DENND1B: variants seen among roughly 807,000 people sequenced by gnomAD.
DENND1B encodes the protein DENN domain containing 1B.
Under a neutral mutation model 90.1 loss-of-function variants are expected in DENND1B, and 59 were observed. The ratio of observed to expected loss-of-function variants is 0.65; its 90% confidence interval spans 0.53 to 0.81. The LOEUF is 0.81. Among genes scored for constraint, DENND1B ranks in the 40% least tolerant of loss-of-function variants. DENND1B has a pLI of 0.00. For synonymous variants in DENND1B, 337 were observed against 324.6 expected (o/e 1.04, Z -0.41); for missense variants, 862 against 912.6 (o/e 0.94, Z 0.71).
intron 5 of DENND1B, among the ~76,000 whole-genome samples, chr1:197,663,681 T>C (rs921877349): frequency 6.6e-6 from 1 of 152,054 alleles, no homozygotes; most frequent in Admixed American, 6.5e-5. Flanking sequence ...TAGGGCTGAG[T>C]TGTGGCTTCT....
rs76204636 is a variant in DENND1B, at chr1:197,652,044, T to C, written c.447+191A>G. 8.2e-3 allele frequency among the ~76,000 whole-genome samples: 1,247 copies of C among 152,280 alleles called. 19 individuals carry two copies. Among genetic ancestry groups the C allele is most frequent in the African/African-American group, 0.029 (1,199 of 41,552 alleles). The stretch of plus-strand genomic sequence containing the variant: ...AATTTTTTAAATTCAACACACCTGA[T>C]ATATGAAGTTATGATAGTTACAGCA... On this transcript the variant is annotated intron_variant, in intron 7 of 22. Transcript: ENST00000620048.
At chr1:197,607,606 ATAATT>A (rs1397148480) in intron 12 of DENND1B, among the ~76,000 whole-genome samples, 14 of 150,786 alleles carry the variant, frequency 9.3e-5, no homozygotes, top group Non-Finnish European at 2.1e-4. Flanking sequence ...GCATTAAACT[ATAATT>A]TAAATTTTTT....
chr1:197,673,159 TA>T (rs567914762), intron 4 of DENND1B, among the ~76,000 whole-genome samples: 18 of 147,412 alleles, frequency 1.2e-4, no homozygotes, highest in Admixed American at 4.1e-4. Flanking sequence ...AAACTTAAAA[TA>T]AAAAAAAAAC....
chr1:197,562,293 T>C (rs1672237348), intron 15 of DENND1B, among the ~76,000 whole-genome samples: 1 of 151,934 alleles, frequency 6.6e-6, no homozygotes, highest in Admixed American at 6.6e-5. Flanking sequence ...TGAACTTCAC[T>C]TTACTGCACT....
chr1:197,615,267 T>C (rs1677544121), intron 11 of DENND1B, among the ~76,000 whole-genome samples: 1 of 151,078 alleles, frequency 6.6e-6, no homozygotes, highest in African/African-American at 2.4e-5. Flanking sequence ...TCACTAAGTG[T>C]TTAATGAACA....
At chr1:197,776,714 C>T (rs1461474183), upstream of DENND1B, among the ~76,000 whole-genome samples, 4 of 152,058 alleles carry the variant, frequency 2.6e-5, no homozygotes, top group Non-Finnish European at 5.9e-5. Flanking sequence ...TAACCTTAAA[C>T]TTTCTTGCCA....
chr1:197,627,676 C>G (rs1368806199), intron 10 of DENND1B, among the ~76,000 whole-genome samples: 1 of 151,874 alleles, frequency 6.6e-6, no homozygotes, highest in Non-Finnish European at 1.5e-5. Context: ...AAGTTCTGGC[C>G]AGGGCAATTA....
intron 20 of DENND1B, among the ~76,000 whole-genome samples, chr1:197,517,204 A>G (rs1265046101): frequency 6.6e-6 from 1 of 151,924 alleles, no homozygotes; most frequent in East Asian, 1.9e-4. Context: ...AAGAGATGCT[A>G]GAAATTCAGA....
intron 15 of DENND1B, among the ~76,000 whole-genome samples, chr1:197,566,744 C>G (rs536260985): frequency 2.6e-5 from 4 of 151,518 alleles, no homozygotes; most frequent in Admixed American, 2.6e-4. Flanking sequence ...CCAAACAAAC[C>G]AACAAATATC....
At chr1:197,564,466 T>C (rs1179638183) in intron 15 of DENND1B, among the ~76,000 whole-genome samples, 2 of 145,592 alleles carry the variant, frequency 1.4e-5, no homozygotes, top group Admixed American at 6.9e-5. Context: ...ATTTTAGTAA[T>C]AAAGTATTTT....
At chr1:197,564,395 C>CAAAAAAAAAAAA (rs71131780) in intron 15 of DENND1B, among the ~76,000 whole-genome samples, 4 of 63,170 alleles carry the variant, frequency 6.3e-5, no homozygotes, top group Non-Finnish European at 1.1e-4. Context: ...CCTCCACCAG[C>CAAAAAAAAAAAA]AAAAAAAAAA....
chr1:197,540,936 G>GC, intron 19 of DENND1B, 23 bp downstream of exon 19: 1 of 1,596,180 alleles, frequency 6.3e-7, no homozygotes, highest in Non-Finnish European at 8.5e-7. Flanking sequence ...AAGGTAAAAT[G>GC]GAAAAAAATG....
At chr1:197,538,395 G>A (rs1043773194) in intron 20 of DENND1B, among the ~76,000 whole-genome samples, 2 of 152,048 alleles carry the variant, frequency 1.3e-5, no homozygotes, top group Non-Finnish European at 2.9e-5. Flanking sequence ...AACAAGAAAA[G>A]GTTTCTGACT....
chr1:197,776,821 AAC>A (rs776082942), upstream of DENND1B, among the ~76,000 whole-genome samples: 1 of 118,598 alleles, frequency 8.4e-6, no homozygotes, highest in Admixed American at 9.3e-5. Context: ...GAAACAAACA[AAC>A]AAAAAAAAAA....
At chr1:197,744,132 C>G (rs78753408) in intron 2 of DENND1B, among the ~76,000 whole-genome samples, 3,668 of 152,226 alleles carry the variant, frequency 0.024, 161 homozygotes, top group African/African-American at 0.079. Context: ...CATTCATGAA[C>G]GTTGGAATCG....
intron 14 of DENND1B, among the ~76,000 whole-genome samples, chr1:197,587,618 G>C (rs889747565): frequency 1.3e-5 from 2 of 152,070 alleles, no homozygotes; most frequent in African/African-American, 4.8e-5. Context: ...CTAAATTCTT[G>C]ATCATCTTTG....
rs144899460 is a variant in DENND1B at position 197,597,028 on chromosome 1, T to C, written c.922-1695A>G. Among the ~76,000 whole-genome samples the C allele has an allele frequency of 6.6e-5, 10 of 151,778 alleles. No individual in the cohort carries two copies. The South Asian group carries it at 1.2e-3, about 19-fold the overall frequency. ...CTTTGCAGTGTAGGTCTTCTCCCCA[T>C]AGCTGTGATCTTTTCAATTTATATC... On this transcript the variant is annotated intron_variant, in intron 13 of 22. Transcript: ENST00000620048.
chr1:197,701,124 G>A (rs936133277), intron 3 of DENND1B, among the ~76,000 whole-genome samples: 7 of 152,046 alleles, frequency 4.6e-5, no homozygotes, highest in East Asian at 1.9e-4. Flanking sequence ...AAAGACACAC[G>A]TACACATTTG....
intron 3 of DENND1B, among the ~76,000 whole-genome samples, chr1:197,691,180 T>A (rs1016893913): frequency 6.7e-6 from 1 of 150,156 alleles, no homozygotes; most frequent in Non-Finnish European, 1.5e-5. Context: ...ACCTATAACA[T>A]CTAAGAAAAT....
Sources: allele counts gnomAD v4.1 joint callset (sites outside exome capture counted in the v4.1 genomes callset), GRCh38; gene constraint gnomAD v4.1.1; transcripts MANE v1.5; gene names NCBI Gene and HGNC (gene_info 2026-07-23, HGNC 2026-07-21).